Variants in SEMA3D observed in about 807,000 individuals in gnomAD.
SEMA3D encodes the protein semaphorin-3D.
A neutral mutation model predicts 100.1 loss-of-function variants in SEMA3D; 84 were observed. That is an observed-to-expected ratio of 0.84 (90% CI 0.70 to 1.01). The LOEUF is 1.01. Among genes scored for constraint, SEMA3D ranks in the 50% least tolerant of loss-of-function variants. SEMA3D has a pLI of 0.00. For synonymous variants in SEMA3D, 312 were observed against 320.7 expected (o/e 0.97, Z 0.29); for missense variants, 875 against 934.1 (o/e 0.94, Z 0.82).
intron 1 of SEMA3D, among the ~76,000 whole-genome samples, chr7:85,161,110 A>C (rs1302684362): frequency 6.6e-6 from 1 of 152,148 alleles, no homozygotes; most frequent in African/African-American, 2.4e-5. Context: ...AAATAAGGAA[A>C]TATCAGAAAA....
intron 1 of SEMA3D, among the ~76,000 whole-genome samples, chr7:85,178,118 T>C (rs1373726467): frequency 6.6e-6 from 1 of 152,192 alleles, no homozygotes; most frequent in African/African-American, 2.4e-5. Flanking sequence ...GTAAGTTTCC[T>C]GAGGCCTACC....
chr7:85,119,803 G>A (rs1330947152), intron 3 of SEMA3D, among the ~76,000 whole-genome samples: 1 of 152,058 alleles, frequency 6.6e-6, no homozygotes, highest in Non-Finnish European at 1.5e-5. Flanking sequence ...TGTCACCTGA[G>A]TGCCCCAGGT....
intron 7 of SEMA3D, among the ~76,000 whole-genome samples, chr7:85,066,466 G>T (rs1424533765): frequency 6.6e-6 from 1 of 151,242 alleles, no homozygotes; most frequent in Admixed American, 6.6e-5. Flanking sequence ...GGAGAAGAAG[G>T]CAGCAGGGAT....
intron 5 of SEMA3D, among the ~76,000 whole-genome samples, chr7:85,077,062 C>A (rs1004792308): frequency 6.7e-6 from 1 of 148,154 alleles, no homozygotes; most frequent in African/African-American, 2.5e-5. Flanking sequence ...GCCGAGATTG[C>A]GCCACTGCAC....
In SEMA3D at chr7:84,999,563, C is replaced by T. The variant is rs573340563; in HGVS notation, c.2211G>A (p.Arg737=). 369 of 1,614,090 alleles carry T rather than the reference C, an allele frequency of 2.3e-4. 6 individuals carry two copies. The South Asian group carries it at 3.9e-3, about 17-fold the overall frequency. The change falls in exon 19 of 19, where the codon AGG becomes AGA. Residue 737 remains arginine, a synonymous_variant. Transcript: ENST00000284136. The part of the protein sequence containing the change: ...LDQYCEQMWH[R]EKRRQRNKGG... ...CCTTGTTTCTCTGTCTCCGCTTCTC[C>T]CTGTGCCACATCTGTTCGCAGTACT...
chr7:85,150,795 C>A (rs1056972778), intron 2 of SEMA3D, among the ~76,000 whole-genome samples: 1 of 151,698 alleles, frequency 6.6e-6, no homozygotes, highest in Non-Finnish European at 1.5e-5. Context: ...ATAACAATGC[C>A]CTTATTGTGG....
At chr7:85,225,076 AT>A in the SEMA3D span, among the ~76,000 whole-genome samples, 6 of 14,396 alleles carry the variant, frequency 4.2e-4, no homozygotes, top group South Asian at 1.3e-3. Flanking sequence ...ATATATATAT[AT>A]ATATATATAT....
chr7:85,222,974 C>T, the SEMA3D span, among the ~76,000 whole-genome samples: 3 of 152,064 alleles, frequency 2.0e-5, no homozygotes, highest in African/African-American at 7.2e-5. Flanking sequence ...CAAGTAATCC[C>T]ATCAAAAAGT....
chr7:85,035,532 A>G (rs935347050), intron 12 of SEMA3D, among the ~76,000 whole-genome samples: 3 of 152,030 alleles, frequency 2.0e-5, no homozygotes, highest in African/African-American at 7.2e-5. Context: ...TATCTATAAT[A>G]GTCAAAATAA....
intron 2 of SEMA3D, chr7:85,140,166 A>C: frequency 2.3e-6 from 1 of 444,286 alleles, no homozygotes; most frequent in Non-Finnish European, 3.0e-6. Flanking sequence ...TTAAAAAATT[A>C]AGTTTATAAG....
At chr7:85,036,841 T>G in intron 12 of SEMA3D, 48 bp downstream of exon 12, 1 of 1,467,310 alleles carries the variant, frequency 6.8e-7, no homozygotes, top group Admixed American at 1.9e-5. Flanking sequence ...AATTAAGAAT[T>G]AAATATGAGC....
the SEMA3D span, among the ~76,000 whole-genome samples, chr7:85,202,469 T>G: frequency 6.6e-6 from 1 of 152,006 alleles, no homozygotes; most frequent in Non-Finnish European, 1.5e-5. Context: ...TGTTGGACAT[T>G]TGGGTTGGTT....
At chr7:85,044,348 G>T (rs1790945206) in intron 9 of SEMA3D, among the ~76,000 whole-genome samples, 1 of 152,094 alleles carries the variant, frequency 6.6e-6, no homozygotes, top group Admixed American at 6.6e-5. Flanking sequence ...TCTATGGTAT[G>T]TGATACCCAG....
chr7:85,044,277 A>G (rs1489191379), intron 9 of SEMA3D, among the ~76,000 whole-genome samples: 3 of 152,056 alleles, frequency 2.0e-5, no homozygotes, highest in Admixed American at 6.6e-5. Flanking sequence ...GGAAGGGGAG[A>G]AAGAAAGGAA....
chr7:84,999,631 C>T lies in SEMA3D; in HGVS notation c.2143G>A (p.Asp715Asn). Residue 715 changes from aspartate to asparagine, a missense_variant, in exon 19 of 19, where the codon GAC becomes AAC. By Grantham distance (23) the Asp-to-Asn change is conservative. Coordinates refer to ENST00000284136, the MANE Select transcript of SEMA3D (RefSeq NM_001384900.1). Reference protein sequence around the residue: ...LLAESRLRYKDYIQILSSPNF... With the variant: ...LLAESRLRYKNYIQILSSPNF... ...GGGCTGCTAAGGATTTGGATGTAGTCTTTGTATCTCAACCGTGACTCAGCC... is the reference window on the plus strand; with the variant it reads ...GGGCTGCTAAGGATTTGGATGTAGTTTTTGTATCTCAACCGTGACTCAGCC... 1 of 1,614,074 alleles carries T rather than the reference C, an allele frequency of 6.2e-7. No individual in the cohort carries two copies. The highest frequency in any genetic ancestry group is 8.5e-7 in the Non-Finnish European group (1 of 1,180,020).
intron 2 of SEMA3D, among the ~76,000 whole-genome samples, chr7:85,131,407 A>G (rs866358719): frequency 1.3e-4 from 20 of 152,236 alleles, no homozygotes; most frequent in African/African-American, 4.3e-4. Flanking sequence ...AGCACCTCTA[A>G]TGCTACTCAT....
chr7:85,151,929 C>A (rs750683562), intron 2 of SEMA3D, among the ~76,000 whole-genome samples: 1 of 151,724 alleles, frequency 6.6e-6, no homozygotes, highest in African/African-American at 2.4e-5. Flanking sequence ...TATTATATAC[C>A]TTGAGATGCT....
At chr7:85,200,617 T>G in the SEMA3D span, among the ~76,000 whole-genome samples, 1 of 152,144 alleles carries the variant, frequency 6.6e-6, no homozygotes, top group Admixed American at 6.5e-5. Context: ...ATCCTGACAA[T>G]GCAATAGAAA....
At chr7:85,216,051 T>C in the SEMA3D span, among the ~76,000 whole-genome samples, 1 of 152,106 alleles carries the variant, frequency 6.6e-6, no homozygotes, top group Non-Finnish European at 1.5e-5. Flanking sequence ...GTTTATTATA[T>C]AATGGCAAAC....
Sources: gnomAD v4.1 joint callset for allele counts (sites outside exome capture counted in the v4.1 genomes callset) on GRCh38, gnomAD v4.1.1 for gene constraint, MANE v1.5 for transcripts, NCBI Gene and HGNC (gene_info 2026-07-23, HGNC 2026-07-21) for gene names.